The following ENOX1 variants were observed in gnomAD, a reference collection of about 807,000 sequenced individuals.
ENOX1 encodes candidate growth-related and time keeping constitutive hydroquinone (NADH) oxidase.
ENOX1 carries 42 observed loss-of-function variants against 82.5 expected under a neutral mutation model. That is an observed-to-expected ratio of 0.51 (90% CI 0.40 to 0.66). The LOEUF is 0.66. ENOX1 is among the 30% of genes least tolerant of loss of function. The probability of loss-of-function intolerance (pLI) is 0.00; values close to 1 mark genes in which losing one functional copy is unlikely to be tolerated. For missense variants in ENOX1, 608 were observed against 811.6 expected, an observed-to-expected ratio of 0.75 and a Z score of 3.05; for synonymous variants, 271 against 282.2, an observed-to-expected ratio of 0.96 and a Z score of 0.40.
chr13:43,731,884 C>T (rs1363978155), intron 1 of ENOX1, among the ~76,000 whole-genome samples: 1 of 152,122 alleles, frequency 6.6e-6, no homozygotes, highest in Admixed American at 6.5e-5. Flanking sequence ...CTTAGCACTG[C>T]AGAGAAAAGA....
At chr13:43,445,235 T>C (rs2056571448) in intron 3 of ENOX1, among the ~76,000 whole-genome samples, 1 of 151,084 alleles carries the variant, frequency 6.6e-6, no homozygotes, top group South Asian at 2.1e-4. Flanking sequence ...ACCATTCTCC[T>C]GCCTCAGCCT....
intron 2 of ENOX1, among the ~76,000 whole-genome samples, chr13:43,490,766 C>A (rs919058947): frequency 2.6e-5 from 4 of 151,396 alleles, no homozygotes; most frequent in Admixed American, 6.6e-5. Flanking sequence ...AACTTTTCAG[C>A]CTCCAGAACT....
chr13:43,723,292 T>C (rs944172921), intron 1 of ENOX1, among the ~76,000 whole-genome samples: 1 of 152,184 alleles, frequency 6.6e-6, no homozygotes, highest in African/African-American at 2.4e-5. Flanking sequence ...AATTATCTCT[T>C]GGTGGGACAC....
At chr13:43,541,654 G>A (rs943456862) in intron 2 of ENOX1, among the ~76,000 whole-genome samples, 9 of 152,130 alleles carry the variant, frequency 5.9e-5, no homozygotes, top group Non-Finnish European at 1.2e-4. Context: ...TCATCGTATT[G>A]CATTTTCACA....
intron 2 of ENOX1, among the ~76,000 whole-genome samples, chr13:43,581,333 C>T (rs1250511589): frequency 2.0e-5 from 3 of 151,102 alleles, no homozygotes; most frequent in Non-Finnish European, 4.4e-5. Flanking sequence ...GGGGTTTCAC[C>T]GTTTTAGCCG....
At chr13:43,290,008 G>T (rs1011827756) in intron 12 of ENOX1, among the ~76,000 whole-genome samples, 2 of 151,846 alleles carry the variant, frequency 1.3e-5, no homozygotes, top group African/African-American at 4.8e-5. Context: ...GAAATACAAA[G>T]CAAAACCACG....
At chr13:43,369,391 T>A (rs553918017) in intron 5 of ENOX1, among the ~76,000 whole-genome samples, 26 of 152,320 alleles carry the variant, frequency 1.7e-4, no homozygotes, top group African/African-American at 6.3e-4. Flanking sequence ...CTTTCTTAGT[T>A]CTGAACTTGT....
At chr13:43,421,613 T>C (rs1397650028) in intron 3 of ENOX1, among the ~76,000 whole-genome samples, 2 of 152,168 alleles carry the variant, frequency 1.3e-5, no homozygotes, top group Non-Finnish European at 2.9e-5. Flanking sequence ...AGTTTTCTGT[T>C]AAGGCAGAAA....
chr13:43,287,948 A>G (rs561424294), intron 12 of ENOX1, among the ~76,000 whole-genome samples: 1 of 152,326 alleles, frequency 6.6e-6, no homozygotes, highest in East Asian at 1.9e-4. Context: ...TGAGATACTT[A>G]CCTTCTTAGG....
At chr13:43,464,648 A>C (rs771642387) in intron 3 of ENOX1, among the ~76,000 whole-genome samples, 1 of 152,178 alleles carries the variant, frequency 6.6e-6, no homozygotes, top group Non-Finnish European at 1.5e-5. Flanking sequence ...GAGTTCCTAC[A>C]TACTCCTCCC....
chr13:43,506,304 T>C (rs1206522143), intron 2 of ENOX1, among the ~76,000 whole-genome samples: 1 of 151,810 alleles, frequency 6.6e-6, no homozygotes, highest in Non-Finnish European at 1.5e-5. Flanking sequence ...TCACACCAGT[T>C]AGAATGGCGA....
intron 1 of ENOX1, among the ~76,000 whole-genome samples, chr13:43,738,629 C>T (rs1364044073): frequency 6.6e-6 from 1 of 152,248 alleles, no homozygotes; most frequent in Non-Finnish European, 1.5e-5. Flanking sequence ...AAGTAAATGT[C>T]CCACAAGCAT....
intron 14 of ENOX1, among the ~76,000 whole-genome samples, chr13:43,243,836 T>C (rs2042955015): frequency 6.6e-6 from 1 of 152,168 alleles, no homozygotes; most frequent in South Asian, 2.1e-4. Context: ...TTCTATGCTA[T>C]GTCCAGAAAT....
intron 1 of ENOX1, among the ~76,000 whole-genome samples, chr13:43,775,354 C>T (rs1951853689): frequency 6.6e-6 from 1 of 152,080 alleles, no homozygotes; most frequent in African/African-American, 2.4e-5. Context: ...GTTGCCCAGG[C>T]TGCTCTCGAA....
At chr13:43,736,777 A>G (rs2089653897) in intron 1 of ENOX1, among the ~76,000 whole-genome samples, 1 of 152,160 alleles carries the variant, frequency 6.6e-6, no homozygotes, top group African/African-American at 2.4e-5. Flanking sequence ...CAGGCTTTAG[A>G]AGAAGTGGAA....
chr13:43,548,245 A>G (rs2079048714), intron 2 of ENOX1, among the ~76,000 whole-genome samples: 1 of 151,876 alleles, frequency 6.6e-6, no homozygotes, highest in African/African-American at 2.4e-5. Flanking sequence ...ACAAAATTTC[A>G]TAAAAGCAAA....
At chr13:43,470,685 A>G (rs532313829) in intron 3 of ENOX1, among the ~76,000 whole-genome samples, 2 of 151,908 alleles carry the variant, frequency 1.3e-5, no homozygotes, top group South Asian at 4.1e-4. Flanking sequence ...AAAAACACAA[A>G]TAATCCAATT....
At chr13:43,643,522 G>C (rs759074635) in intron 2 of ENOX1, among the ~76,000 whole-genome samples, 16 of 151,922 alleles carry the variant, frequency 1.1e-4, no homozygotes, top group Non-Finnish European at 2.1e-4. Flanking sequence ...GCAATACTTA[G>C]CAAGAAGTAA....
At chr13:43,681,860 G>A (rs2085803789) in intron 1 of ENOX1, among the ~76,000 whole-genome samples, 1 of 151,982 alleles carries the variant, frequency 6.6e-6, no homozygotes, top group Non-Finnish European at 1.5e-5. Context: ...TCTTCCAAAG[G>A]AGGAACAAGT....
Sources: allele counts gnomAD v4.1 joint callset (sites outside exome capture counted in the v4.1 genomes callset), GRCh38; gene constraint gnomAD v4.1.1; transcripts MANE v1.5; gene names NCBI Gene and HGNC (gene_info 2026-07-23, HGNC 2026-07-21).